UPF2: variants seen among roughly 807,000 people sequenced by gnomAD.
UPF2 encodes regulator of nonsense transcripts 2.
In UPF2, 17 loss-of-function variants were observed where a neutral mutation model predicts 141.4. The observed-to-expected ratio is 0.12, with a 90% CI of 0.08 to 0.18. UPF2 has a LOEUF of 0.18. Among genes scored for constraint, UPF2 ranks in the 10% least tolerant of loss-of-function variants. UPF2 has a pLI of 1.00. For synonymous variants in UPF2, 540 were observed against 498.0 expected, an observed-to-expected ratio of 1.08 and a Z score of -1.12; for missense variants, 1,152 against 1,515.9, an observed-to-expected ratio of 0.76 and a Z score of 3.99.
intron 16 of UPF2, 122 bp downstream of exon 16, chr10:11,948,247 C>CAAA (rs139062017): frequency 1.2e-3 from 587 of 471,662 alleles, no homozygotes; most frequent in Non-Finnish European, 1.5e-3. Flanking sequence ...GACTCTGTCT[C>CAAA]AAAAAAAAAA....
chr10:11,975,303 T>C (rs1161053031), intron 9 of UPF2, among the ~76,000 whole-genome samples: 1 of 152,120 alleles, frequency 6.6e-6, no homozygotes, highest in Non-Finnish European at 1.5e-5. Flanking sequence ...ACTAAAGAAG[T>C]AGGCCACACT....
chr10:11,993,295 C>G (rs556189568), intron 8 of UPF2, among the ~76,000 whole-genome samples: 1 of 151,766 alleles, frequency 6.6e-6, no homozygotes, highest in African/African-American at 2.4e-5. Context: ...TAAGTTTTAT[C>G]TATACAACAA....
chr10:12,027,645 G>T (rs189154635), intron 3 of UPF2, among the ~76,000 whole-genome samples: 72 of 152,212 alleles, frequency 4.7e-4, no homozygotes, highest in Non-Finnish European at 6.5e-4. Flanking sequence ...TTTCCTAAAA[G>T]AACTATTGAT....
At position 12,033,193 on chromosome 10, in the gene UPF2, C is replaced by T. The variant is rs184127850; in HGVS notation, c.365+1866G>A. 1.2e-3 allele frequency among the ~76,000 whole-genome samples: 179 copies of T among 152,174 alleles called. 1 individual carries two copies. The highest frequency in any genetic ancestry group is 0.011 in the Admixed American group (175 of 15,270). On this transcript the variant is annotated intron_variant, in intron 2 of 21. Coordinates refer to ENST00000357604, the MANE Select transcript of UPF2 (RefSeq NM_015542.4). ...CTGTAGTGGGAGGATCGCTTGAGCT[C>T]AGCAATTACAGACTAACTTAGAAAA...
chr10:11,942,765 T>G lies in UPF2; in HGVS notation c.3280-2A>C. The G allele has an allele frequency of 6.2e-7, 1 of 1,612,384 alleles. No homozygotes were observed. ...TCCACCGCCTTTAATCATTACCTCC[T>G]TATTAAAACAAAACAACAAAATCAG... is the stretch of plus-strand genomic sequence containing the variant. On this transcript the variant is annotated splice_acceptor_variant, in intron 17 of 21. Coordinates refer to ENST00000357604, the MANE Select transcript of UPF2 (RefSeq NM_015542.4). LOFTEE classifies it high-confidence loss of function.
At chr10:12,007,581 A>G (rs898685773) in intron 4 of UPF2, among the ~76,000 whole-genome samples, 3 of 152,122 alleles carry the variant, frequency 2.0e-5, no homozygotes, top group Non-Finnish European at 1.5e-5. Flanking sequence ...CTGTAATCCC[A>G]ACACTTTGGG....
At position 11,952,137 on chromosome 10, in the gene UPF2, T is replaced by C; in HGVS notation, c.2963A>G (p.Lys988Arg). Residue 988 changes from lysine (K) to arginine (R), a missense_variant, in exon 15 of 22, where the codon AAA becomes AGA. By Grantham distance (26) the Lys-to-Arg change is conservative. Around this residue, in one of 4 missense-constraint regions of UPF2, gnomAD observed 202 missense variants for 223.6 expected, o/e 0.90. Coordinates refer to ENST00000357604, the MANE Select transcript of UPF2 (RefSeq NM_015542.4). Reference sequence around the variant, plus strand: ...GGATTCTTCCAGAGAATTACAGAGTTTGATCTTTGGTCTTAGCAGTTCTAG... The same window carrying C: ...GGATTCTTCCAGAGAATTACAGAGTCTGATCTTTGGTCTTAGCAGTTCTAG... ...DTLELLRPKI[K>R]LCNSLEESIR... The C allele has an allele frequency of 1.2e-6, 2 of 1,614,132 alleles. No individual in the cohort carries two copies. Among genetic ancestry groups the C allele is most frequent in the South Asian group, 1.1e-5 (1 of 91,072 alleles).
At chr10:11,967,300 A>T in intron 10 of UPF2, 41 bp downstream of exon 10, 2 of 1,195,354 alleles carry the variant, frequency 1.7e-6, no homozygotes, top group Non-Finnish European at 2.3e-6. Flanking sequence ...TTAAAACTTT[A>T]AACTTTTCAA....
At chr10:12,025,050 G>A (rs968358881) in intron 3 of UPF2, among the ~76,000 whole-genome samples, 2 of 151,236 alleles carry the variant, frequency 1.3e-5, no homozygotes, top group African/African-American at 4.9e-5. Flanking sequence ...ACTATCATTA[G>A]GCCAATAGGG....
intron 18 of UPF2, among the ~76,000 whole-genome samples, chr10:11,941,575 A>C (rs1381056533): frequency 9.9e-5 from 15 of 151,738 alleles, no homozygotes; most frequent in African/African-American, 2.4e-4. Context: ...AAAAAAAAAA[A>C]CCCTGTCTTT....
intron 8 of UPF2, among the ~76,000 whole-genome samples, chr10:11,994,975 C>CAAAAAAAAAAAAAAAAAAAAAAAAA (rs60922532): frequency 3.9e-5 from 2 of 51,360 alleles, no homozygotes; most frequent in African/African-American, 1.0e-4. Context: ...GACTCCATCT[C>CAAAAAAAAAAAAAAAAAAAAAAAAA]AAAAAAAAAA....
intron 8 of UPF2, among the ~76,000 whole-genome samples, chr10:11,991,701 C>T (rs1833783272): frequency 6.6e-6 from 1 of 152,146 alleles, no homozygotes; most frequent in African/African-American, 2.4e-5. Context: ...TGAGTGACAC[C>T]TACATGATAT....
At chr10:11,991,564 CTTGA>C (rs1281722216) in intron 8 of UPF2, among the ~76,000 whole-genome samples, 2 of 151,762 alleles carry the variant, frequency 1.3e-5, no homozygotes, top group East Asian at 3.9e-4. Flanking sequence ...ATTGGATTTA[CTTGA>C]TTAATTAGAG....
At chr10:12,010,516 A>G (rs923555409) in intron 4 of UPF2, among the ~76,000 whole-genome samples, 6 of 152,236 alleles carry the variant, frequency 3.9e-5, no homozygotes, top group East Asian at 3.8e-4. Context: ...TGAAGACATA[A>G]CAACAGAAAC....
intron 19 of UPF2, among the ~76,000 whole-genome samples, chr10:11,933,855 A>C (rs1170053194): frequency 6.6e-6 from 1 of 152,240 alleles, no homozygotes; most frequent in Non-Finnish European, 1.5e-5. Context: ...CTGACCTTCA[A>C]AAAGAGATAT....
At chr10:11,975,038 A>T (rs1329841874) in intron 9 of UPF2, among the ~76,000 whole-genome samples, 1 of 152,252 alleles carries the variant, frequency 6.6e-6, no homozygotes, top group East Asian at 1.9e-4. Context: ...AAACTTAATC[A>T]AAAAGTTGGA....
At chr10:11,982,896 A>G (rs1833622551) in intron 8 of UPF2, among the ~76,000 whole-genome samples, 1 of 152,170 alleles carries the variant, frequency 6.6e-6, no homozygotes, top group African/African-American at 2.4e-5. Context: ...CTGAAATTAC[A>G]GACATGAGCC....
intron 19 of UPF2, among the ~76,000 whole-genome samples, chr10:11,932,621 G>A (rs770316981): frequency 1.1e-4 from 16 of 152,072 alleles, no homozygotes; most frequent in Non-Finnish European, 2.1e-4. Context: ...ATTTACTGAT[G>A]GCCACCTTTG....
chr10:12,035,400 T>C lies in UPF2; in HGVS notation c.24A>G (p.Pro8=). The C allele has an allele frequency of 1.3e-6, 2 of 1,588,808 alleles. No homozygotes were observed. Among genetic ancestry groups the C allele is most frequent in the Non-Finnish European group, 1.7e-6 (2 of 1,172,128 alleles). ...AAGAGTCTTTTTCTTCCATACTTGCTGGCTTTTTACGCTCAGCTGGCATTA... is the reference window on the plus strand; with the variant it reads ...AAGAGTCTTTTTCTTCCATACTTGCCGGCTTTTTACGCTCAGCTGGCATTA... The part of the protein sequence containing the change: MPAERKK[P]ASMEEKDSLP... Residue 8 remains proline, a synonymous_variant, in exon 2 of 22, where the codon CCA becomes CCG. Coordinates refer to ENST00000357604, the MANE Select transcript of UPF2 (RefSeq NM_015542.4).
Sources: gnomAD v4.1 joint callset for allele counts (sites outside exome capture counted in the v4.1 genomes callset) on GRCh38, gnomAD v4.1.1 for gene constraint, gnomAD v4.1.1 regional missense constraint, MANE v1.5 for transcripts, NCBI Gene and HGNC (gene_info 2026-07-23, HGNC 2026-07-21) for gene names.